LRRC28: variants seen among roughly 807,000 people sequenced by gnomAD.
LRRC28 encodes leucine rich repeat containing 28.
LRRC28 carries 39 observed loss-of-function variants against 45.7 expected under a neutral mutation model. The ratio of observed to expected loss-of-function variants is 0.85; its 90% CI spans 0.66 to 1.12. The LOEUF is 1.12. LRRC28 is among the 50% of genes most tolerant of loss of function. The pLI, the probability that LRRC28 is intolerant of heterozygous loss-of-function variation, is 0.00. For missense variants in LRRC28, 435 were observed against 438.5 expected (o/e 0.99, Z 0.07); for synonymous variants, 206 against 178.8 (o/e 1.15, Z -1.22).
chr15:99,348,794 T>A (rs1049108011), intron 6 of LRRC28, among the ~76,000 whole-genome samples: 1 of 151,854 alleles, frequency 6.6e-6, no homozygotes, highest in Admixed American at 6.6e-5. Context: ...TTAGAAAATT[T>A]TTTTCTACTT....
rs190938417 is a variant in LRRC28, at chr15:99,255,164, C to T, written c.-60-734C>T. On this transcript the variant is annotated intron_variant, in intron 1 of 9. Coordinates refer to ENST00000301981, the MANE Select transcript of LRRC28 (RefSeq NM_144598.5). ...TTGAGCTCAGGAATTTGAGACTAGC[C>T]TGGGCAACACAGTGAGACCCCCATC... Among the ~76,000 whole-genome samples the T allele has an allele frequency of 5.3e-5, 8 of 151,750 alleles. 1 individual carries two copies. The South Asian group carries it at 1.5e-3, about 28-fold the overall frequency.
chr15:99,269,467 G>C (rs143012070), intron 2 of LRRC28, among the ~76,000 whole-genome samples: 1 of 151,660 alleles, frequency 6.6e-6, no homozygotes, highest in South Asian at 2.1e-4. Context: ...GCAGTGGCAC[G>C]AACTCAGCTT....
chr15:99,325,311 T>C (rs952184450), intron 5 of LRRC28, among the ~76,000 whole-genome samples: 2 of 152,228 alleles, frequency 1.3e-5, no homozygotes, highest in African/African-American at 4.8e-5. Context: ...ACTTGTTTAT[T>C]AGTTCTAAGA....
chr15:99,390,083 A>G lies in LRRC28; in HGVS notation c.*3981A>G, dbSNP rs1286681696. 6.6e-6 allele frequency: 1 copy of G among 152,212 alleles called. No homozygotes were observed. The highest frequency in any genetic ancestry group is 1.5e-5 in the Non-Finnish European group (1 of 68,200). The allele number at this position is 152,212 out of a possible 1,614,324, so 9.4% of individuals were successfully genotyped here. A position where few individuals can be genotyped will look rare whatever the true frequency, so the allele number is the denominator to read the frequency against. ...CATTGAGCTGAGATCACGCCATTAC[A>G]CTCCAGCCTGGGCAACAGAGCGAGA... On this transcript the variant is annotated 3_prime_UTR_variant, in exon 10 of 10. Coordinates refer to ENST00000301981, the MANE Select transcript of LRRC28 (RefSeq NM_144598.5).
chr15:99,294,969 C>T (rs946110761), intron 5 of LRRC28, among the ~76,000 whole-genome samples: 23 of 152,350 alleles, frequency 1.5e-4, no homozygotes, highest in Non-Finnish European at 2.8e-4. Context: ...AAATATGCCC[C>T]ATGGCAGAAA....
intron 6 of LRRC28, chr15:99,338,435 T>C (rs1447649565): frequency 6.6e-6 from 1 of 152,238 alleles, no homozygotes; most frequent in Non-Finnish European, 1.5e-5. Flanking sequence ...GGGGTACCTC[T>C]TTACAGTAGT....
chr15:99,279,955 C>T (rs747755125), intron 3 of LRRC28, among the ~76,000 whole-genome samples: 2 of 152,122 alleles, frequency 1.3e-5, no homozygotes, highest in Admixed American at 6.5e-5. Context: ...TTCCAGCGTC[C>T]GCACATCTTA....
At chr15:99,377,163 A>C (rs553059472) in intron 9 of LRRC28, among the ~76,000 whole-genome samples, 9 of 151,876 alleles carry the variant, frequency 5.9e-5, no homozygotes, top group African/African-American at 1.9e-4. Context: ...TCCCACCAAC[A>C]GTGTAAAAAG....
At chr15:99,285,871 T>A in intron 3 of LRRC28, 1 of 333,910 alleles carries the variant, frequency 3.0e-6, no homozygotes, top group Non-Finnish European at 5.8e-6. Flanking sequence ...TTAAAGAGTA[T>A]TGATTTCATA....
intron 5 of LRRC28, chr15:99,320,638 T>A (rs1955763530): frequency 6.6e-6 from 1 of 152,202 alleles, no homozygotes; most frequent in Non-Finnish European, 1.5e-5. Flanking sequence ...AGAAATATGC[T>A]GGTGCTGTTT....
intron 2 of LRRC28, among the ~76,000 whole-genome samples, chr15:99,266,483 A>C (rs1176329504): frequency 2.6e-5 from 4 of 152,164 alleles, no homozygotes; most frequent in African/African-American, 9.7e-5. Context: ...AAAAAAAAAA[A>C]ATTAACACCT....
chr15:99,310,104 CAT>C (rs1289786605), intron 5 of LRRC28, among the ~76,000 whole-genome samples: 3 of 150,174 alleles, frequency 2.0e-5, no homozygotes, highest in African/African-American at 4.9e-5. Flanking sequence ...TGTATTAAAA[CAT>C]ATCAGATATA....
At chr15:99,253,006 T>A (rs1287779946) in intron 1 of LRRC28, among the ~76,000 whole-genome samples, 1 of 152,100 alleles carries the variant, frequency 6.6e-6, no homozygotes. Context: ...TTATTGACAA[T>A]AGACAGATGC....
At chr15:99,383,943 G>C (rs955920142) in intron 9 of LRRC28, among the ~76,000 whole-genome samples, 4 of 152,146 alleles carry the variant, frequency 2.6e-5, no homozygotes, top group African/African-American at 4.8e-5. Context: ...CTGAGGTATA[G>C]GTGAAGTACC....
chr15:99,386,479 TCC>T lies in LRRC28; in HGVS notation c.*380_*381del, dbSNP rs1218975610. 1 of 50,684 alleles carries T rather than the reference TCC, an allele frequency of 2.0e-5. No individual in the cohort carries two copies. The highest frequency in any genetic ancestry group is 1.2e-4 in the African/African-American group (1 of 8,536). 3.1% of individuals were successfully genotyped at this position (50,684 alleles called of 1,614,324 possible). A position where few individuals can be genotyped will look rare whatever the true frequency, so the allele number is the denominator to read the frequency against. ...ACCTTCAGTGATGCTTCCTCTCCTC[TCC>T]CCTCCCTTGCTTTCCCCAGAGAGTT... is the stretch of plus-strand genomic sequence containing the variant. On this transcript the variant is annotated 3_prime_UTR_variant, in exon 10 of 10. Transcript: ENST00000301981.
intron 9 of LRRC28, among the ~76,000 whole-genome samples, chr15:99,380,468 T>TG: frequency 6.6e-6 from 1 of 152,354 alleles, no homozygotes. Context: ...TAAAGCACAC[T>TG]GATGGGTCTT....
intron 5 of LRRC28, among the ~76,000 whole-genome samples, chr15:99,289,957 A>AG (rs2082072011): frequency 6.9e-6 from 1 of 145,632 alleles, no homozygotes; most frequent in South Asian, 2.2e-4. Flanking sequence ...AAAAAAAAAA[A>AG]AAAAAATGGC....
At chr15:99,252,326 A>G (rs1399720854) in intron 1 of LRRC28, among the ~76,000 whole-genome samples, 1 of 152,224 alleles carries the variant, frequency 6.6e-6, no homozygotes, top group East Asian at 1.9e-4. Flanking sequence ...TATTGCTATT[A>G]TTGGCAGTTT....
chr15:99,293,593 C>CCAAAAAAAAAAAAAAAAAAAAA lies in LRRC28; in HGVS notation c.385+5642_385+5643insCAAAAAAAAAAAAAAAAAAAAA, dbSNP rs747700282. On this transcript the variant is annotated intron_variant, in intron 5 of 9. Transcript: ENST00000301981. Reference sequence around the variant, plus strand: ...GGGCAACAAGAACGAAACTCTGTCACAAAAAAAAAAAAAAAAAAAAAAAAA... The same window carrying CCAAAAAAAAAAAAAAAAAAAAA: ...GGGCAACAAGAACGAAACTCTGTCACCAAAAAAAAAAAAAAAAAAAAAAAAAAAAAAAAAAAAAAAAAAAAAA... Among the ~76,000 whole-genome samples the CCAAAAAAAAAAAAAAAAAAAAA allele has an allele frequency of 4.5e-4, 20 of 44,066 alleles. 1 individual carries two copies. The highest frequency in any genetic ancestry group is 7.5e-4 in the Non-Finnish European group (17 of 22,726). 28.9% of individuals were successfully genotyped at this position (44,066 alleles called of 152,430 possible). A position where few individuals can be genotyped will look rare whatever the true frequency, so the allele number is the denominator to read the frequency against.
Sources: allele counts gnomAD v4.1 joint callset (sites outside exome capture counted in the v4.1 genomes callset), GRCh38; gene constraint gnomAD v4.1.1; transcripts MANE v1.5; gene names NCBI Gene and HGNC (gene_info 2026-07-23, HGNC 2026-07-21).